DCUN1D1: variants seen among roughly 807,000 people sequenced by gnomAD.
DCUN1D1 encodes DCN1-like protein 1.
Under a neutral mutation model 39.0 loss-of-function variants are expected in DCUN1D1, and 3 were observed. The ratio of observed to expected loss-of-function variants is 0.08; its 90% CI spans 0.04 to 0.20. The LOEUF is 0.20. Among genes scored for constraint, DCUN1D1 ranks in the 10% least tolerant of loss-of-function variants. The pLI is 1.00. For missense variants in DCUN1D1, 158 were observed against 302.4 expected, an observed-to-expected ratio of 0.52 and a Z score of 3.54; for synonymous variants, 82 against 96.3, an observed-to-expected ratio of 0.85 and a Z score of 0.87.
rs973153811 is a variant in DCUN1D1 at position 182,945,311 on chromosome 3, A to G, written c.701-138T>C. On this transcript the variant is annotated intron_variant, in intron 6 of 6. Transcript: ENST00000292782. Reference sequence around the variant, plus strand: ...CATTCTTATCTATTCCCACTGATTAAGTCTTTCAAAACTCAAACTTTTTGG... The same window carrying G: ...CATTCTTATCTATTCCCACTGATTAGGTCTTTCAAAACTCAAACTTTTTGG... 4.7e-6 allele frequency: 3 copies of G among 635,282 alleles called. No individual in the cohort carries two copies. In the African/African-American group the frequency reaches 5.7e-5, roughly 12 times the overall value. The allele number at this position is 635,282 out of a possible 1,614,324, so 39.4% of individuals were successfully genotyped here.
In DCUN1D1 at chr3:182,965,579, A is replaced by G. The variant is rs768619642; in HGVS notation, c.178T>C (p.Leu60=). 3 of 1,613,806 alleles carry G rather than the reference A, an allele frequency of 1.9e-6. No individual in the cohort carries two copies. Among genetic ancestry groups the G allele is most frequent in the East Asian group, 2.2e-5 (1 of 44,796 alleles). ...AGCTGTTCTAACTTCTTCCTGTCCA[A>G]TGATCCTTTTACACTCTCTCGTATA... is the stretch of plus-strand genomic sequence containing the variant. ...LYIRESVKGS[L]DRKKLEQLYN... The change falls in exon 2 of 7, where the codon TTG becomes CTG. Residue 60 remains leucine (L), a synonymous_variant. Transcript: ENST00000292782.
At chr3:182,980,419 CGGGGCGGG>C in intron 1 of DCUN1D1, 60 bp downstream of exon 1, 1 of 1,011,622 alleles carries the variant, frequency 9.9e-7, no homozygotes, top group East Asian at 9.6e-5. Context: ...GGAGGGCGGC[CGGGGCGGG>C]GGTGCGCGGC....
At chr3:182,963,413 A>G (rs1348451050) in intron 3 of DCUN1D1, among the ~76,000 whole-genome samples, 1 of 152,222 alleles carries the variant, frequency 6.6e-6, no homozygotes, top group Non-Finnish European at 1.5e-5. Flanking sequence ...ACTAGAGGTC[A>G]CAGGTAAAAC....
At chr3:182,946,653 CA>C (rs1270225485) in intron 6 of DCUN1D1, among the ~76,000 whole-genome samples, 9 of 145,852 alleles carry the variant, frequency 6.2e-5, no homozygotes, top group Admixed American at 2.7e-4. Flanking sequence ...CAAATAAGTA[CA>C]AAAGTACATC....
chr3:182,954,504 G>C (rs1282730271), intron 4 of DCUN1D1, among the ~76,000 whole-genome samples: 2 of 152,128 alleles, frequency 1.3e-5, no homozygotes, highest in African/African-American at 4.8e-5. Context: ...GGGATCTTCT[G>C]ATGCCGGCAG....
Position 182,961,168 on chromosome 3 carries a change from ACT to A in DCUN1D1, c.520+56_520+57del, listed in dbSNP as rs1296413564. 52 of 1,175,254 alleles carry A rather than the reference ACT, an allele frequency of 4.4e-5. 1 individual carries two copies. The highest frequency in any genetic ancestry group is 1.2e-6 in the Non-Finnish European group (1 of 831,294). The allele number at this position is 1,175,254 out of a possible 1,614,324, so 72.8% of individuals were successfully genotyped here. A position where few individuals can be genotyped will look rare whatever the true frequency, so the allele number is the denominator to read the frequency against. On this transcript the variant is annotated intron_variant, in intron 4 of 6. Transcript: ENST00000292782. ...CATAACTTTCTATTACAAAAACGAC[ACT>A]GTCAATGTATTTGAATATATCTGAA...
At chr3:182,956,142 G>A (rs563914923) in intron 4 of DCUN1D1, 9 of 207,112 alleles carry the variant, frequency 4.3e-5, no homozygotes, top group East Asian at 2.3e-4. Flanking sequence ...TGGTAAGGCC[G>A]GTCTCGAACG....
At position 182,963,865 on chromosome 3, in the gene DCUN1D1, G is replaced by A; in HGVS notation, c.389+16C>T. The A allele has an allele frequency of 6.4e-7, 1 of 1,550,648 alleles. No homozygotes were observed. The highest frequency in any genetic ancestry group is 8.8e-7 in the Non-Finnish European group (1 of 1,138,502). ...ACAGTAACATATCTAATTTCCTATT[G>A]TAATTATATACTCACCCTAATTCTG... On this transcript the variant is annotated intron_variant, in intron 3 of 6. Transcript: ENST00000292782.
Position 182,938,983 on chromosome 3 carries a change from G to A in DCUN1D1, c.*6111C>T, listed in dbSNP as rs1309648420. The A allele has an allele frequency of 6.6e-6, 1 of 152,430 alleles. No homozygotes were observed. Among genetic ancestry groups the A allele is most frequent in the Non-Finnish European group, 1.5e-5 (1 of 68,080 alleles). 9.4% of individuals were successfully genotyped at this position (152,430 alleles called of 1,614,324 possible). ...ATTTCTTCTCACCAGAGATCACTGA[G>A]GGACTGGAACCCCCACTGGAAGTAT... On this transcript the variant is annotated 3_prime_UTR_variant, in exon 7 of 7. Transcript: ENST00000292782.
In DCUN1D1 at chr3:182,942,184, A is replaced by G. The variant is rs1430355275; in HGVS notation, c.*2910T>C. ...ATATTATGCAAGTACAGTATTGTTA[A>G]TAAAGCAGCCCAGTATAGTTGTAAA... On this transcript the variant is annotated 3_prime_UTR_variant, in exon 7 of 7. Coordinates refer to ENST00000292782, the MANE Select transcript of DCUN1D1 (RefSeq NM_020640.4). 6.6e-6 allele frequency: 1 copy of G among 152,194 alleles called. No individual in the cohort carries two copies. The allele number at this position is 152,194 out of a possible 1,614,324, so 9.4% of individuals were successfully genotyped here. A position where few individuals can be genotyped will look rare whatever the true frequency, so the allele number is the denominator to read the frequency against.
intron 2 of DCUN1D1, among the ~76,000 whole-genome samples, chr3:182,965,307 C>A (rs1238630943): frequency 1.3e-5 from 2 of 152,188 alleles, no homozygotes; most frequent in South Asian, 4.1e-4. Context: ...AGTTCCCCAT[C>A]CCCATTCTCA....
chr3:182,973,008 C>T (rs774415037), intron 1 of DCUN1D1, among the ~76,000 whole-genome samples: 3 of 151,964 alleles, frequency 2.0e-5, no homozygotes, highest in Non-Finnish European at 4.4e-5. Flanking sequence ...CACCATTGCG[C>T]TCCAATCTGG....
chr3:182,947,367 A>G, intron 5 of DCUN1D1, 33 bp from the exon 6 acceptor site: 1 of 1,432,378 alleles, frequency 7.0e-7, no homozygotes, highest in Non-Finnish European at 9.6e-7. Context: ...ATACATTTGT[A>G]TCACTAAAAA....
At chr3:182,969,180 A>T (rs1727815945) in intron 1 of DCUN1D1, among the ~76,000 whole-genome samples, 1 of 152,198 alleles carries the variant, frequency 6.6e-6, no homozygotes, top group South Asian at 2.1e-4. Flanking sequence ...GTAACATTTG[A>T]TTCCCTACTA....
chr3:182,982,896 G>A (rs556652502), upstream of DCUN1D1, among the ~76,000 whole-genome samples: 10 of 152,124 alleles, frequency 6.6e-5, no homozygotes, highest in South Asian at 4.2e-4. Flanking sequence ...GCCCCACCTC[G>A]GTCTCCCAAA....
At chr3:182,947,710 AC>A (rs1726488108) in intron 4 of DCUN1D1, 78 bp from the exon 5 acceptor site, 4 of 836,316 alleles carry the variant, frequency 4.8e-6, no homozygotes, top group Non-Finnish European at 7.7e-6. Flanking sequence ...AAACAAAAAA[AC>A]AGGTATGACC....
In DCUN1D1 at chr3:182,980,501, C is replaced by T; in HGVS notation, c.-12G>A. The stretch of plus-strand genomic sequence containing the variant: ...CAGTGCCTCACCATGTTGGTGTCCT[C>T]CAGGCCTCTCCCCTCCTCCTCCGGC... On this transcript the variant is annotated 5_prime_UTR_variant, in exon 1 of 7. Coordinates refer to ENST00000292782, the MANE Select transcript of DCUN1D1 (RefSeq NM_020640.4). The T allele has an allele frequency of 3.2e-6, 4 of 1,241,544 alleles. No homozygotes were observed. Among genetic ancestry groups the T allele is most frequent in the Non-Finnish European group, 4.1e-6 (4 of 972,554 alleles). 76.9% of individuals were successfully genotyped at this position (1,241,544 alleles called of 1,614,324 possible). A position where few individuals can be genotyped will look rare whatever the true frequency, so the allele number is the denominator to read the frequency against.
intron 3 of DCUN1D1, 24 bp downstream of exon 3, chr3:182,963,857 T>A (rs944676117): frequency 1.8e-5 from 28 of 1,531,934 alleles, no homozygotes; most frequent in Non-Finnish European, 2.4e-5. Flanking sequence ...CATATCTAAT[T>A]TCCTATTGTA....
At chr3:182,966,935 C>T (rs1488152422) in intron 1 of DCUN1D1, among the ~76,000 whole-genome samples, 2 of 151,936 alleles carry the variant, frequency 1.3e-5, no homozygotes, top group African/African-American at 4.8e-5. Context: ...GGTGAAACCC[C>T]GTCTCTACTA....
Sources: gnomAD v4.1 joint callset for allele counts (sites outside exome capture counted in the v4.1 genomes callset) on GRCh38, gnomAD v4.1.1 for gene constraint, MANE v1.5 for transcripts, NCBI Gene and HGNC (gene_info 2026-07-23, HGNC 2026-07-21) for gene names.